Variants in DNAJC6 observed in about 807,000 individuals in gnomAD.
The protein encoded by DNAJC6 is DnaJ heat shock protein family (Hsp40) member C6.
DNAJC6 carries 34 observed loss-of-function variants against 110.0 expected under a neutral mutation model. The ratio of observed to expected loss-of-function variants is 0.31; its 90% CI spans 0.24 to 0.41. The LOEUF (loss-of-function observed/expected upper bound fraction) is 0.41, where lower values mean the gene tolerates loss of function less well. DNAJC6 is among the 10% of genes least tolerant of loss of function. The pLI, the probability that DNAJC6 is intolerant of heterozygous loss-of-function variation, is 1.00. For missense variants in DNAJC6, 1,031 were observed against 1,207.8 expected (o/e 0.85, Z 2.17); for synonymous variants, 406 against 437.2 (o/e 0.93, Z 0.89).
intron 13 of DNAJC6, 51 bp from the exon 14 acceptor site, chr1:65,398,762 G>T (rs1646002949): frequency 6.3e-7 from 1 of 1,594,358 alleles, no homozygotes; most frequent in Non-Finnish European, 8.6e-7. Context: ...ACTCAGAAAA[G>T]TGGGTTCTGA....
chr1:65,388,442 A>G (rs541560995), intron 9 of DNAJC6, 27 bp downstream of exon 9: 107 of 1,602,524 alleles, frequency 6.7e-5, no homozygotes, highest in South Asian at 5.8e-4. Flanking sequence ...CCAAAAGTCT[A>G]TTTGAATCAA....
chr1:65,413,669 A>G lies in DNAJC6; in HGVS notation c.*644A>G, dbSNP rs1258436880. 6.6e-6 allele frequency: 1 copy of G among 152,210 alleles called. No homozygotes were observed. The highest frequency in any genetic ancestry group is 1.5e-5 in the Non-Finnish European group (1 of 68,034). The allele number at this position is 152,210 out of a possible 1,614,324, so 9.4% of individuals were successfully genotyped here. On this transcript the variant is annotated 3_prime_UTR_variant, in exon 19 of 19. Transcript: ENST00000371069. ...CCACCAACTTTCTGACTAAGCTAAAAATGAATGAAAATGGTGGCTAAAGAA... is the reference window on the plus strand; with the variant it reads ...CCACCAACTTTCTGACTAAGCTAAAGATGAATGAAAATGGTGGCTAAAGAA...
At chr1:65,297,066 T>G (rs1285097556) in intron 1 of DNAJC6, among the ~76,000 whole-genome samples, 2 of 152,194 alleles carry the variant, frequency 1.3e-5, no homozygotes, top group Non-Finnish European at 2.9e-5. Flanking sequence ...CTATGGGACC[T>G]CATAAAATGA....
chr1:65,322,704 A>G (rs1193750549), intron 1 of DNAJC6, among the ~76,000 whole-genome samples: 1 of 152,198 alleles, frequency 6.6e-6, no homozygotes, highest in African/African-American at 2.4e-5. Flanking sequence ...CCTTGCACTA[A>G]ATTAAGTTTC....
At chr1:65,304,229 C>T (rs1645016358) in intron 1 of DNAJC6, among the ~76,000 whole-genome samples, 1 of 151,468 alleles carries the variant, frequency 6.6e-6, no homozygotes, top group Admixed American at 6.6e-5. Flanking sequence ...GGAAATTTGT[C>T]CTATTTTCTG....
intron 15 of DNAJC6, 71 bp downstream of exon 15, chr1:65,401,951 G>T: frequency 2.5e-6 from 4 of 1,586,818 alleles, no homozygotes; most frequent in Non-Finnish European, 2.6e-6. Flanking sequence ...CTCAGTCTTT[G>T]GTGTTACAGC....
upstream of DNAJC6, chr1:65,309,528 T>C (rs1570258353): frequency 5.0e-5 from 40 of 803,080 alleles, no homozygotes; most frequent in South Asian, 2.2e-4. Flanking sequence ...CCTCCCTCCC[T>C]CCTCCCGGCG....
chr1:65,273,751 T>C (rs1216361388), intron 1 of DNAJC6, among the ~76,000 whole-genome samples: 3 of 152,224 alleles, frequency 2.0e-5, no homozygotes, highest in Non-Finnish European at 4.4e-5. Flanking sequence ...TGTAACAACA[T>C]ACTTTTTAAT....
At chr1:65,305,698 A>T (rs147443365), upstream of DNAJC6, among the ~76,000 whole-genome samples, 441 of 152,296 alleles carry the variant, frequency 2.9e-3, 6 homozygotes, top group African/African-American at 0.01. Context: ...AAATACATAC[A>T]CGTGAATATT....
intron 13 of DNAJC6, among the ~76,000 whole-genome samples, chr1:65,398,068 T>C (rs1557562144): frequency 6.6e-6 from 1 of 152,162 alleles, no homozygotes; most frequent in African/African-American, 2.4e-5. Flanking sequence ...ATATAGATTT[T>C]ATAGATGTGT....
At position 65,348,571 on chromosome 1, in the gene DNAJC6, T is replaced by A. The variant is rs149509203; in HGVS notation, c.194-16064T>A. 5.2e-4 allele frequency among the ~76,000 whole-genome samples: 79 copies of A among 152,252 alleles called. No homozygotes were observed. The East Asian group carries it at 0.013, about 25-fold the overall frequency. ...GTCTTGAAATTAATTTGTATCATGT[T>A]AATATAGGCCTACCTGCTTTCTTTT... On this transcript the variant is annotated intron_variant, in intron 1 of 18. Coordinates refer to ENST00000371069, the MANE Select transcript of DNAJC6 (RefSeq NM_001256864.2).
chr1:65,364,867 CAA>C (rs976133030), intron 2 of DNAJC6, 82 bp downstream of exon 2: 1 of 1,514,420 alleles, frequency 6.6e-7, no homozygotes, highest in African/African-American at 1.4e-5. Flanking sequence ...TTGTCTGGCT[CAA>C]AGAGTGTCAA....
chr1:65,337,862 A>G (rs1220387946), intron 1 of DNAJC6, among the ~76,000 whole-genome samples: 1 of 152,184 alleles, frequency 6.6e-6, no homozygotes, highest in Admixed American at 6.5e-5. Flanking sequence ...TCGAGTATAT[A>G]GAGGGACATC....
intron 1 of DNAJC6, among the ~76,000 whole-genome samples, chr1:65,343,100 C>A (rs897793025): frequency 6.6e-6 from 1 of 152,182 alleles, no homozygotes; most frequent in Non-Finnish European, 1.5e-5. Flanking sequence ...CCTCTCACCC[C>A]TCTCTAATAT....
rs959939002 is a variant in DNAJC6 at position 65,411,235 on chromosome 1, C to T, written c.2635-15C>T. On this transcript the variant is annotated splice_polypyrimidine_tract_variant and intron_variant, in intron 17 of 18. Transcript: ENST00000371069. The stretch of plus-strand genomic sequence containing the variant: ...AGTAAGCATTTGAATTTCTTAATCC[C>T]CTTTGTGTTTACAGATTCTGGAATG... The T allele has an allele frequency of 6.2e-7, 1 of 1,607,700 alleles. No homozygotes were observed. Among genetic ancestry groups the T allele is most frequent in the African/African-American group, 1.3e-5 (1 of 74,766 alleles).
At chr1:65,327,496 A>G (rs1645252180) in intron 1 of DNAJC6, among the ~76,000 whole-genome samples, 1 of 152,122 alleles carries the variant, frequency 6.6e-6, no homozygotes, top group African/African-American at 2.4e-5. Flanking sequence ...TTTCTGTTTT[A>G]AATAGAGAAC....
chr1:65,395,688 A>G (rs2101619279), intron 13 of DNAJC6, among the ~76,000 whole-genome samples: 1 of 152,344 alleles, frequency 6.6e-6, no homozygotes. Flanking sequence ...AATAAACTAT[A>G]TTATTAAAAA....
upstream of DNAJC6, chr1:65,309,487 A>C (rs2101355156): frequency 3.5e-6 from 4 of 1,141,158 alleles, no homozygotes; most frequent in Non-Finnish European, 3.2e-6. Context: ...GGCCCAGAGG[A>C]CGCGCGCCCC....
intron 1 of DNAJC6, among the ~76,000 whole-genome samples, chr1:65,324,464 A>G (rs983774627): frequency 2.0e-5 from 3 of 151,928 alleles, no homozygotes; most frequent in Non-Finnish European, 4.4e-5. Flanking sequence ...GGTTCAAGCA[A>G]TTCTCTGCCT....
Sources: allele counts gnomAD v4.1 joint callset (sites outside exome capture counted in the v4.1 genomes callset), GRCh38; gene constraint gnomAD v4.1.1; transcripts MANE v1.5; gene names NCBI Gene and HGNC (gene_info 2026-07-23, HGNC 2026-07-21).